Variants in ZNF469 observed in about 807,000 individuals in gnomAD.
ZNF469 encodes the protein zinc finger protein 469.
ZNF469 carries 1 observed loss-of-function variant against 1.0 expected under a neutral mutation model. That is an observed-to-expected ratio of 1.00 (90% confidence interval 0.35 to 4.73). The LOEUF is 4.73. Among genes scored for constraint, ZNF469 ranks in the 30% most tolerant of loss-of-function variants. The pLI is 0.16. For synonymous variants in ZNF469, 2,703 were observed against 2,363.4 expected (o/e 1.14, Z -4.17); for missense variants, 6,100 against 5,356.3 (o/e 1.14, Z -4.33).
the ZNF469 span, among the ~76,000 whole-genome samples, chr16:88,348,485 G>A: frequency 6.6e-6 from 1 of 152,168 alleles, no homozygotes; most frequent in Non-Finnish European, 1.5e-5. Flanking sequence ...TATCCCTCAG[G>A]GGCCACCATT....
chr16:88,367,306 T>G, the ZNF469 span, among the ~76,000 whole-genome samples: 4 of 152,236 alleles, frequency 2.6e-5, no homozygotes, highest in African/African-American at 9.6e-5. Flanking sequence ...TCAAGGCAAG[T>G]ATTCCAAGCC....
chr16:88,132,427 C>T, the ZNF469 span, among the ~76,000 whole-genome samples: 8 of 152,340 alleles, frequency 5.3e-5, no homozygotes, highest in South Asian at 6.2e-4. Flanking sequence ...GCGTAGCCGG[C>T]GGGGCTGGAT....
chr16:88,112,602 G>A, the ZNF469 span, among the ~76,000 whole-genome samples: 2 of 152,050 alleles, frequency 1.3e-5, no homozygotes, highest in Non-Finnish European at 2.9e-5. Flanking sequence ...CGTCTATTCA[G>A]ATCTTTTGCC....
the ZNF469 span, among the ~76,000 whole-genome samples, chr16:88,149,906 A>C: frequency 2.6e-5 from 4 of 152,328 alleles, no homozygotes; most frequent in African/African-American, 9.6e-5. Context: ...CTCCAGGTGG[A>C]CAGGCATTGC....
chr16:88,382,939 C>A (rs1273906932), upstream of ZNF469, among the ~76,000 whole-genome samples: 1 of 151,204 alleles, frequency 6.6e-6, no homozygotes, highest in African/African-American at 2.4e-5. Context: ...TAACCTAAGC[C>A]GCCCCAGCCT....
the ZNF469 span, among the ~76,000 whole-genome samples, chr16:88,237,870 T>C: frequency 1.3e-5 from 2 of 152,158 alleles, no homozygotes; most frequent in Non-Finnish European, 2.9e-5. Flanking sequence ...CTGATCTTTC[T>C]TGTTTTCATG....
chr16:88,398,604 G>A (rs902616015), intron 1 of ZNF469, among the ~76,000 whole-genome samples: 1 of 145,634 alleles, frequency 6.9e-6, no homozygotes, highest in East Asian at 2.1e-4. Flanking sequence ...GATGAAGGGG[G>A]CATGTGAGCC....
intron 1 of ZNF469, among the ~76,000 whole-genome samples, chr16:88,423,944 G>T (rs976008641): frequency 6.6e-6 from 1 of 152,262 alleles, no homozygotes; most frequent in African/African-American, 2.4e-5. Flanking sequence ...TGGAGAGAAT[G>T]AGGCTCCACC....
the ZNF469 span, among the ~76,000 whole-genome samples, chr16:88,348,875 G>T: frequency 6.6e-6 from 1 of 152,172 alleles, no homozygotes; most frequent in Non-Finnish European, 1.5e-5. Flanking sequence ...GGCATCACGC[G>T]TGGGCATGTA....
At chr16:88,226,242 AC>A in the ZNF469 span, among the ~76,000 whole-genome samples, 1 of 151,928 alleles carries the variant, frequency 6.6e-6, no homozygotes, top group Non-Finnish European at 1.5e-5. Flanking sequence ...TTAAGGCTTC[AC>A]CCCCAGCACG....
chr16:88,435,978 C>T lies in ZNF469; in HGVS notation c.8508C>T (p.Gly2836=). 3.2e-6 allele frequency: 5 copies of T among 1,549,936 alleles called. No individual in the cohort carries two copies. Among genetic ancestry groups the T allele is most frequent in the Non-Finnish European group, 4.4e-6 (5 of 1,146,982 alleles). The stretch of plus-strand genomic sequence containing the variant: ...AGGGTGGAGTCCAGGGGCCTGAAGG[C>T]CCCACTCCTGATGCCTCTGGCTCCA... ...DTQGGVQGPE[G]PTPDASGSSA... Residue 2836 remains glycine (G), a synonymous_variant, in exon 3 of 3, where the codon GGC becomes GGT. Coordinates refer to ENST00000565624, the MANE Select transcript of ZNF469 (RefSeq NM_001367624.2).
chr16:88,244,010 A>G, the ZNF469 span, among the ~76,000 whole-genome samples: 8 of 129,426 alleles, frequency 6.2e-5, no homozygotes, highest in Admixed American at 5.7e-4. Flanking sequence ...GGATGGATGT[A>G]CGTATGGGTG....
At chr16:88,287,679 C>G in the ZNF469 span, among the ~76,000 whole-genome samples, 1 of 152,188 alleles carries the variant, frequency 6.6e-6, no homozygotes, top group African/African-American at 2.4e-5. Context: ...CAGGTCCAGC[C>G]CCCACCCCCA....
the ZNF469 span, among the ~76,000 whole-genome samples, chr16:88,342,219 G>A: frequency 6.6e-6 from 1 of 152,098 alleles, no homozygotes; most frequent in African/African-American, 2.4e-5. Flanking sequence ...CTGGGAAGGT[G>A]ACTCGAGAGA....
At chr16:88,349,943 A>G in the ZNF469 span, among the ~76,000 whole-genome samples, 1 of 80,402 alleles carries the variant, frequency 1.2e-5, no homozygotes, top group Non-Finnish European at 2.8e-5. Context: ...ACAACACACG[A>G]GACACAAATA....
chr16:88,216,931 T>A, the ZNF469 span, among the ~76,000 whole-genome samples: 123 of 152,298 alleles, frequency 8.1e-4, no homozygotes, highest in African/African-American at 2.8e-3. Context: ...CCTTTTAGTT[T>A]TTTTTTCTTC....
the ZNF469 span, among the ~76,000 whole-genome samples, chr16:88,261,366 G>T: frequency 6.6e-6 from 1 of 152,216 alleles, no homozygotes; most frequent in African/African-American, 2.4e-5. The surrounding 1 kb of genome is among the most constrained non-coding windows in gnomAD (Gnocchi z 6.0). Context: ...GGCTGGGGGA[G>T]GCTTGTGGTC....
At chr16:88,144,207 G>A in the ZNF469 span, among the ~76,000 whole-genome samples, 13 of 152,368 alleles carry the variant, frequency 8.5e-5, 1 homozygote, top group Admixed American at 2.6e-4. Context: ...GGCCAAAGGC[G>A]TGGTGGGGAG....
At chr16:88,206,223 G>A in the ZNF469 span, among the ~76,000 whole-genome samples, 6 of 152,188 alleles carry the variant, frequency 3.9e-5, no homozygotes, top group Non-Finnish European at 5.9e-5. Context: ...CGCCGGAGGC[G>A]GAAGGGCCAG....
Sources: allele counts gnomAD v4.1 joint callset (sites outside exome capture counted in the v4.1 genomes callset), GRCh38; gene constraint gnomAD v4.1.1; non-coding constraint Gnocchi (gnomAD v3.1); transcripts MANE v1.5; gene names NCBI Gene and HGNC (gene_info 2026-07-23, HGNC 2026-07-21).